Variants in PPARGC1A observed in about 807,000 individuals in gnomAD.
PPARGC1A encodes the protein peroxisome proliferator-activated receptor gamma coactivator 1-alpha.
A neutral mutation model predicts 88.7 loss-of-function variants in PPARGC1A; 25 were observed. The ratio of observed to expected loss-of-function variants is 0.28; its 90% CI spans 0.21 to 0.39. The LOEUF (loss-of-function observed/expected upper bound fraction) is 0.39. PPARGC1A is among the 10% of genes least tolerant of loss of function. The probability of loss-of-function intolerance (pLI) is 1.00; values close to 1 mark genes in which losing one functional copy is unlikely to be tolerated. For synonymous variants in PPARGC1A, 363 were observed against 355.6 expected, an observed-to-expected ratio of 1.02 and a Z score of -0.24; for missense variants, 880 against 968.7, an observed-to-expected ratio of 0.91 and a Z score of 1.22.
the PPARGC1A span, among the ~76,000 whole-genome samples, chr4:23,992,855 T>A: frequency 6.6e-6 from 1 of 152,136 alleles, no homozygotes; most frequent in Non-Finnish European, 1.5e-5. Context: ...TCTTTCAACA[T>A]TTGAAGAGCC....
chr4:24,168,800 C>A, the PPARGC1A span, among the ~76,000 whole-genome samples: 63 of 152,178 alleles, frequency 4.1e-4, no homozygotes, highest in African/African-American at 1.5e-3. Context: ...TGAGTCCATA[C>A]TGATATAAAC....
chr4:24,373,139 T>C, the PPARGC1A span, among the ~76,000 whole-genome samples: 4 of 152,098 alleles, frequency 2.6e-5, no homozygotes, highest in Admixed American at 2.6e-4. Context: ...ATGAGATAAG[T>C]AGGCCAGTCC....
At chr4:24,356,190 C>T in the PPARGC1A span, among the ~76,000 whole-genome samples, 1 of 149,562 alleles carries the variant, frequency 6.7e-6, no homozygotes, top group Admixed American at 6.6e-5. Flanking sequence ...GAGCAAGACT[C>T]CGTCTCAAAC....
chr4:24,139,699 G>A, the PPARGC1A span, among the ~76,000 whole-genome samples: 43 of 152,070 alleles, frequency 2.8e-4, no homozygotes, highest in Non-Finnish European at 3.8e-4. Flanking sequence ...AGCATCCTGT[G>A]CGTGCCCTTG....
At chr4:23,882,039 T>C (rs1266942274) in intron 2 of PPARGC1A, 1 of 152,258 alleles carries the variant, frequency 6.6e-6, no homozygotes, top group Non-Finnish European at 1.5e-5. Context: ...AAAAGATGCC[T>C]GAGTTTAACA....
chr4:24,125,619 T>G, the PPARGC1A span, among the ~76,000 whole-genome samples: 1 of 152,208 alleles, frequency 6.6e-6, no homozygotes, highest in Non-Finnish European at 1.5e-5. Flanking sequence ...TATTTGTAAT[T>G]ATCTTTACAA....
chr4:24,281,892 G>A, the PPARGC1A span, among the ~76,000 whole-genome samples: 1 of 152,128 alleles, frequency 6.6e-6, no homozygotes, highest in African/African-American at 2.4e-5. Flanking sequence ...AATTCCCACA[G>A]CAAGCCTATA....
chr4:23,912,773 C>T, the PPARGC1A span, among the ~76,000 whole-genome samples: 1 of 151,510 alleles, frequency 6.6e-6, no homozygotes, highest in African/African-American at 2.4e-5. Flanking sequence ...CCAGCCTCCA[C>T]AATCACATGA....
the PPARGC1A span, among the ~76,000 whole-genome samples, chr4:24,226,166 T>C: frequency 8.5e-5 from 13 of 152,138 alleles, no homozygotes; most frequent in Admixed American, 7.9e-4. Flanking sequence ...ACCAGTGACA[T>C]GATGATTTCC....
At chr4:23,808,408 C>T (rs1312780343) in intron 10 of PPARGC1A, among the ~76,000 whole-genome samples, 2 of 152,128 alleles carry the variant, frequency 1.3e-5, no homozygotes, top group Admixed American at 6.5e-5. Flanking sequence ...CTGAGCACAT[C>T]TAGTTTTGGT....
At chr4:24,165,579 C>G in the PPARGC1A span, among the ~76,000 whole-genome samples, 3 of 152,130 alleles carry the variant, frequency 2.0e-5, no homozygotes, top group Non-Finnish European at 4.4e-5. Flanking sequence ...ACCACTTTTC[C>G]AATAGCACGT....
the PPARGC1A span, among the ~76,000 whole-genome samples, chr4:24,351,188 G>A: frequency 2.0e-5 from 3 of 151,070 alleles, no homozygotes; most frequent in East Asian, 3.9e-4. Flanking sequence ...CTGAGATCAC[G>A]CCACTGCACT....
the PPARGC1A span, among the ~76,000 whole-genome samples, chr4:24,235,785 G>A: frequency 2.0e-5 from 3 of 152,110 alleles, no homozygotes; most frequent in Non-Finnish European, 2.9e-5. Context: ...TGAGACTGGG[G>A]GCAAAGGTAA....
At chr4:24,059,395 G>C in the PPARGC1A span, among the ~76,000 whole-genome samples, 1 of 152,134 alleles carries the variant, frequency 6.6e-6, no homozygotes, top group Non-Finnish European at 1.5e-5. Flanking sequence ...TCACCCAAGT[G>C]TACCGCAGAA....
At chr4:24,131,928 C>T in the PPARGC1A span, among the ~76,000 whole-genome samples, 1 of 152,300 alleles carries the variant, frequency 6.6e-6, no homozygotes. Flanking sequence ...GCAAAACTCT[C>T]TAGATGGCAT....
chr4:24,302,301 G>A, the PPARGC1A span, among the ~76,000 whole-genome samples: 1 of 152,302 alleles, frequency 6.6e-6, no homozygotes, highest in East Asian at 1.9e-4. Flanking sequence ...TGTCTTTGCT[G>A]GCATACTGTA....
chr4:24,103,249 A>G, the PPARGC1A span, among the ~76,000 whole-genome samples: 5 of 152,208 alleles, frequency 3.3e-5, no homozygotes, highest in African/African-American at 1.2e-4. Flanking sequence ...AGCCCTCTCC[A>G]TTAGCCACAC....
chr4:24,310,379 G>C, the PPARGC1A span, among the ~76,000 whole-genome samples: 1 of 152,076 alleles, frequency 6.6e-6, no homozygotes, highest in Non-Finnish European at 1.5e-5. Flanking sequence ...TTACTTTCTA[G>C]GTCCTTCATA....
chr4:23,957,205 TCC>T, the PPARGC1A span, among the ~76,000 whole-genome samples: 1 of 152,070 alleles, frequency 6.6e-6, no homozygotes, highest in Non-Finnish European at 1.5e-5. Flanking sequence ...TGCCTCCTTC[TCC>T]CCTCTCAGCA....
Sources: allele counts gnomAD v4.1 joint callset (sites outside exome capture counted in the v4.1 genomes callset), GRCh38; gene constraint gnomAD v4.1.1; transcripts MANE v1.5; gene names NCBI Gene and HGNC (gene_info 2026-07-23, HGNC 2026-07-21).